PCDH15: variants seen among roughly 807,000 people sequenced by gnomAD.
PCDH15 encodes the protein protocadherin-15.
In PCDH15, 129 loss-of-function variants were observed where a neutral mutation model predicts 178.5. That is an observed-to-expected ratio of 0.72 (90% CI 0.63 to 0.84). PCDH15 has a LOEUF of 0.84. PCDH15 is among the 40% of genes least tolerant of loss of function. PCDH15 has a pLI of 0.00. For synonymous variants in PCDH15, 800 were observed against 732.0 expected, an observed-to-expected ratio of 1.09 and a Z score of -1.50; for missense variants, 2,230 against 2,099.9, an observed-to-expected ratio of 1.06 and a Z score of -1.21.
chr10:54,413,771 A>G lies in PCDH15; in HGVS notation c.158-34829T>C, dbSNP rs545872145. ...TGTATACATTATTCAGCTCCCACTTATAAGTGAGAACATGCGGTATTAGAC... is the reference window on the plus strand; with the variant it reads ...TGTATACATTATTCAGCTCCCACTTGTAAGTGAGAACATGCGGTATTAGAC... On this transcript the variant is annotated intron_variant, in intron 3 of 37. Coordinates refer to ENST00000644397, the MANE Select transcript of PCDH15 (RefSeq NM_001384140.1). Among the ~76,000 whole-genome samples the G allele has an allele frequency of 1.6e-4, 25 of 152,272 alleles. No individual in the cohort carries two copies. In the South Asian group the frequency reaches 4.6e-3, roughly 28 times the overall value.
intron 2 of PCDH15, among the ~76,000 whole-genome samples, chr10:55,133,188 TAATA>T (rs1204330789): frequency 6.6e-6 from 1 of 152,074 alleles, no homozygotes; most frequent in African/African-American, 2.4e-5. Context: ...TTAAATGAAG[TAATA>T]TATAGAAAAG....
chr10:54,424,532 A>T (rs767463826), intron 3 of PCDH15, among the ~76,000 whole-genome samples: 10 of 150,430 alleles, frequency 6.6e-5, no homozygotes, highest in East Asian at 1.9e-4. Flanking sequence ...GGATTATAAA[A>T]CATGCTGCTA....
At chr10:55,390,989 C>G (rs577410637) in intron 2 of PCDH15, among the ~76,000 whole-genome samples, 1 of 152,316 alleles carries the variant, frequency 6.6e-6, no homozygotes, top group East Asian at 1.9e-4. Flanking sequence ...AACTTAGTTA[C>G]CAGCTGCATT....
At chr10:55,565,192 G>T (rs1303181511) in intron 2 of PCDH15, among the ~76,000 whole-genome samples, 2 of 151,388 alleles carry the variant, frequency 1.3e-5, no homozygotes, top group Non-Finnish European at 3.0e-5. Context: ...AGTAACAAAA[G>T]AAAAAGTGGA....
intron 2 of PCDH15, among the ~76,000 whole-genome samples, chr10:55,614,500 A>C (rs1242152066): frequency 6.6e-6 from 1 of 152,218 alleles, no homozygotes. Flanking sequence ...AGCAAGACTT[A>C]GAAATATTTT....
At chr10:55,072,339 A>G (rs1841768594) in intron 2 of PCDH15, among the ~76,000 whole-genome samples, 1 of 152,214 alleles carries the variant, frequency 6.6e-6, no homozygotes, top group Non-Finnish European at 1.5e-5. Context: ...AACAAAATTG[A>G]TAGACCACTA....
rs1181936556 is a variant in PCDH15, at chr10:55,538,412, T to TCCTC, written c.-156+89209_-156+89212dup. ...TTCCTTCCTTTCTTCCTTCCTTCCT[T>TCCTC]CCTCCCTCCCTCCCTTCCTTCCTTC... is the stretch of plus-strand genomic sequence containing the variant. On this transcript the variant is annotated intron_variant, in intron 2 of 5. Coordinates refer to the PCDH15 transcript ENST00000613346. Among the ~76,000 whole-genome samples the TCCTC allele has an allele frequency of 2.1e-3, 223 of 107,464 alleles. 1 individual carries two copies. Among genetic ancestry groups the TCCTC allele is most frequent in the African/African-American group, 7.9e-3 (192 of 24,428 alleles). The allele number at this position is 107,464 out of a possible 152,430, so 70.5% of individuals were successfully genotyped here. A position where few individuals can be genotyped will look rare whatever the true frequency, so the allele number is the denominator to read the frequency against.
intron 1 of PCDH15, among the ~76,000 whole-genome samples, chr10:55,173,381 G>A (rs1381127242): frequency 2.0e-5 from 3 of 150,764 alleles, no homozygotes; most frequent in Non-Finnish European, 4.4e-5. Context: ...TAGGAAGACT[G>A]TGCTTATAAA....
intron 3 of PCDH15, among the ~76,000 whole-genome samples, chr10:54,840,479 G>A (rs1435453175): frequency 1.3e-5 from 2 of 151,572 alleles, no homozygotes; most frequent in Non-Finnish European, 3.0e-5. Flanking sequence ...TCAAAAGAAA[G>A]TAGTGGAGAA....
chr10:54,997,063 C>T (rs972919857), intron 2 of PCDH15, among the ~76,000 whole-genome samples: 17 of 150,522 alleles, frequency 1.1e-4, no homozygotes, highest in African/African-American at 3.7e-4. Context: ...GAGCTGAGAT[C>T]GCACCACTGC....
At chr10:54,285,310 T>A (rs531416630) in intron 8 of PCDH15, among the ~76,000 whole-genome samples, 1 of 150,060 alleles carries the variant, frequency 6.7e-6, no homozygotes, top group East Asian at 2.0e-4. Context: ...GGAAAAAATA[T>A]TTCCAAACCA....
chr10:54,813,690 G>A (rs539397922), intron 3 of PCDH15, among the ~76,000 whole-genome samples: 36 of 151,978 alleles, frequency 2.4e-4, no homozygotes, highest in Non-Finnish European at 4.4e-4. Context: ...TACAGCAATC[G>A]TCTCTTAACC....
intron 21 of PCDH15, among the ~76,000 whole-genome samples, chr10:53,967,310 G>C (rs1364635238): frequency 2.0e-5 from 3 of 152,110 alleles, no homozygotes; most frequent in Non-Finnish European, 4.4e-5. Context: ...CATCCCTCTG[G>C]AACTGTGAGT....
At chr10:54,846,240 A>G (rs1468229733) in intron 3 of PCDH15, among the ~76,000 whole-genome samples, 1 of 152,124 alleles carries the variant, frequency 6.6e-6, no homozygotes, top group East Asian at 1.9e-4. Flanking sequence ...TGTTATCAAC[A>G]TGTTTTTGTA....
At chr10:54,983,619 C>T (rs139932246) in intron 2 of PCDH15, among the ~76,000 whole-genome samples, 95 of 152,120 alleles carry the variant, frequency 6.2e-4, no homozygotes, top group African/African-American at 2.2e-3. Flanking sequence ...GAGTCTGAAC[C>T]TATTGTTCAT....
At chr10:54,128,699 A>C (rs1590662737) in intron 15 of PCDH15, among the ~76,000 whole-genome samples, 1 of 152,262 alleles carries the variant, frequency 6.6e-6, no homozygotes, top group Non-Finnish European at 1.5e-5. Context: ...AGAATCAGGA[A>C]CTTTTTGAGA....
intron 13 of PCDH15, among the ~76,000 whole-genome samples, chr10:54,181,871 C>T (rs1311300583): frequency 3.3e-5 from 5 of 152,130 alleles, no homozygotes; most frequent in Admixed American, 2.6e-4. Flanking sequence ...TTCTATAGAA[C>T]TCAAGAAAGC....
At chr10:55,151,073 G>GATTCC (rs1838697572) in intron 2 of PCDH15, among the ~76,000 whole-genome samples, 1 of 152,050 alleles carries the variant, frequency 6.6e-6, no homozygotes, top group Non-Finnish European at 1.5e-5. Context: ...CAATGATACA[G>GATTCC]ATTCCATTGT....
At chr10:54,080,532 A>G (rs2094421559) in intron 16 of PCDH15, among the ~76,000 whole-genome samples, 1 of 152,168 alleles carries the variant, frequency 6.6e-6, no homozygotes, top group South Asian at 2.1e-4. Flanking sequence ...TCTAATGGAT[A>G]AAATGCTTTC....
Sources: gnomAD v4.1 joint callset for allele counts (sites outside exome capture counted in the v4.1 genomes callset) on GRCh38, gnomAD v4.1.1 for gene constraint, MANE v1.5 for transcripts, NCBI Gene and HGNC (gene_info 2026-07-23, HGNC 2026-07-21) for gene names.